The following CDH13 variants were observed in gnomAD, a reference collection of about 807,000 sequenced individuals.
The protein encoded by CDH13 is cadherin-13.
In CDH13, 24 loss-of-function variants were observed where a neutral mutation model predicts 63.8. That is an observed-to-expected ratio of 0.38 (90% CI 0.27 to 0.53). CDH13 has a LOEUF of 0.53. CDH13 is among the 20% of genes least tolerant of loss of function. The pLI is 0.85. For synonymous variants in CDH13, 503 were observed against 355.3 expected, an observed-to-expected ratio of 1.42 and a Z score of -4.67; for missense variants, 1,049 against 903.1, an observed-to-expected ratio of 1.16 and a Z score of -2.07.
chr16:82,878,922 T>A (rs984276951), intron 2 of CDH13, among the ~76,000 whole-genome samples: 6 of 152,146 alleles, frequency 3.9e-5, no homozygotes, highest in Admixed American at 2.0e-4. Context: ...CTGCATGAGA[T>A]CCTCACCTTC....
chr16:82,955,763 T>G (rs1204453432), intron 2 of CDH13, among the ~76,000 whole-genome samples: 2 of 152,206 alleles, frequency 1.3e-5, no homozygotes, highest in Non-Finnish European at 2.9e-5. Flanking sequence ...TGCAAGCAGC[T>G]ACTGCATTCC....
intron 2 of CDH13, among the ~76,000 whole-genome samples, chr16:83,027,715 C>T (rs1232505879): frequency 6.6e-6 from 1 of 152,138 alleles, no homozygotes. Context: ...CCCCCAGTAC[C>T]CCACATTGCC....
At chr16:82,999,363 A>G (rs1463303590) in intron 2 of CDH13, among the ~76,000 whole-genome samples, 1 of 152,158 alleles carries the variant, frequency 6.6e-6, no homozygotes, top group African/African-American at 2.4e-5. Flanking sequence ...ACAAACTCCC[A>G]ATAACAGGAT....
intron 11 of CDH13, among the ~76,000 whole-genome samples, chr16:83,751,518 G>C (rs3784993): frequency 0.037 from 5,634 of 152,286 alleles, 313 homozygotes; most frequent in Admixed American, 0.13. Flanking sequence ...GGCAAGATGT[G>C]AGGAGGGAGG....
At chr16:83,477,768 G>T (rs970317510) in intron 6 of CDH13, among the ~76,000 whole-genome samples, 1 of 152,102 alleles carries the variant, frequency 6.6e-6, no homozygotes, top group Non-Finnish European at 1.5e-5. Flanking sequence ...AAAGCTGGTG[G>T]GCCTCAGACC....
At chr16:82,968,996 G>C (rs1403689043) in intron 2 of CDH13, among the ~76,000 whole-genome samples, 1 of 152,098 alleles carries the variant, frequency 6.6e-6, no homozygotes, top group Non-Finnish European at 1.5e-5. Flanking sequence ...AATCCCAGCT[G>C]CTCAGGAGGC....
intron 6 of CDH13, among the ~76,000 whole-genome samples, chr16:83,450,136 G>C (rs1476746882): frequency 6.6e-6 from 1 of 152,176 alleles, no homozygotes; most frequent in Non-Finnish European, 1.5e-5. Flanking sequence ...AGCGCCCTGT[G>C]ATTGATTCTT....
intron 10 of CDH13, among the ~76,000 whole-genome samples, chr16:83,724,514 G>A (rs987966824): frequency 2.6e-5 from 4 of 152,126 alleles, no homozygotes; most frequent in Admixed American, 6.5e-5. Flanking sequence ...AAATGCATGA[G>A]TCGGTGGATG....
chr16:82,702,139 G>T (rs898194077), intron 1 of CDH13, among the ~76,000 whole-genome samples: 1 of 152,096 alleles, frequency 6.6e-6, no homozygotes, highest in Non-Finnish European at 1.5e-5. Context: ...TGTGTGCTGC[G>T]TGTTTGCTCT....
intron 4 of CDH13, among the ~76,000 whole-genome samples, chr16:83,148,479 C>T (rs1433726613): frequency 3.9e-5 from 6 of 152,318 alleles, no homozygotes; most frequent in African/African-American, 1.4e-4. Context: ...CAAATCCCAG[C>T]CCTGCCATTC....
intron 6 of CDH13, among the ~76,000 whole-genome samples, chr16:83,361,830 C>T (rs2091168321): frequency 6.6e-6 from 1 of 152,094 alleles, no homozygotes; most frequent in African/African-American, 2.4e-5. Flanking sequence ...TTACCGTATG[C>T]TTACAGTAGA....
intron 2 of CDH13, among the ~76,000 whole-genome samples, chr16:82,962,009 T>C (rs1010998619): frequency 3.4e-4 from 51 of 152,096 alleles, no homozygotes; most frequent in African/African-American, 1.2e-3. Flanking sequence ...TGGATGTAAA[T>C]CCATGGTAAA....
rs372093342 is a variant in CDH13 at position 82,847,145 on chromosome 16, C to G, written c.46-11217C>G. 1.6e-4 allele frequency among the ~76,000 whole-genome samples: 25 copies of G among 152,212 alleles called. No individual in the cohort carries two copies. In the East Asian group the frequency reaches 4.4e-3, roughly 27 times the overall value. ...AAATTATATTTACATGTTAAAATACCAAGTAAAGGGAACCCATATTTTCTG... is the reference window on the plus strand; with the variant it reads ...AAATTATATTTACATGTTAAAATACGAAGTAAAGGGAACCCATATTTTCTG... On this transcript the variant is annotated intron_variant, in intron 1 of 13. Transcript: ENST00000567109.
intron 5 of CDH13, among the ~76,000 whole-genome samples, chr16:83,276,739 C>T (rs996756187): frequency 6.6e-6 from 1 of 152,138 alleles, no homozygotes; most frequent in African/African-American, 2.4e-5. Context: ...GGCATGGTGA[C>T]AGGCACCTGT....
intron 11 of CDH13, among the ~76,000 whole-genome samples, chr16:83,767,253 C>G (rs968072362): frequency 6.6e-6 from 1 of 152,050 alleles, no homozygotes; most frequent in Non-Finnish European, 1.5e-5. Context: ...CCACCCAAAT[C>G]TCACCTTGAG....
intron 7 of CDH13, among the ~76,000 whole-genome samples, chr16:83,588,179 G>C (rs1356913422): frequency 6.6e-6 from 1 of 152,146 alleles, no homozygotes; most frequent in Non-Finnish European, 1.5e-5. Flanking sequence ...CCTCTCCAAA[G>C]GAGAAGGACC....
intron 6 of CDH13, among the ~76,000 whole-genome samples, chr16:83,460,909 C>A (rs2073159978): frequency 6.6e-6 from 1 of 150,880 alleles, no homozygotes. Flanking sequence ...GATGCTTAAG[C>A]CTGGGCAGTC....
intron 6 of CDH13, among the ~76,000 whole-genome samples, chr16:83,390,721 G>A (rs572279263): frequency 5.3e-5 from 8 of 152,160 alleles, no homozygotes; most frequent in South Asian, 2.1e-4. Flanking sequence ...CTCAATTCAC[G>A]GTGCTCAGTT....
chr16:83,342,081 T>G (rs536858961), intron 5 of CDH13, among the ~76,000 whole-genome samples: 4 of 151,610 alleles, frequency 2.6e-5, no homozygotes, highest in Non-Finnish European at 5.9e-5. Context: ...ACATCTGTGT[T>G]GTCTAATATG....
Sources: gnomAD v4.1 joint callset for allele counts (sites outside exome capture counted in the v4.1 genomes callset) on GRCh38, gnomAD v4.1.1 for gene constraint, MANE v1.5 for transcripts, NCBI Gene and HGNC (gene_info 2026-07-23, HGNC 2026-07-21) for gene names.